TNFSF4: variants seen among roughly 807,000 people sequenced by gnomAD.
The protein encoded by TNFSF4 is tumor necrosis factor ligand superfamily member 4.
A neutral mutation model predicts 7.3 loss-of-function variants in TNFSF4; 4 were observed. The observed-to-expected ratio is 0.55, with a 90% confidence interval of 0.27 to 1.25. The LOEUF is 1.25. Among genes scored for constraint, TNFSF4 ranks in the 50% most tolerant of loss-of-function variants. The pLI is 0.12. For missense variants in TNFSF4, 181 were observed against 208.8 expected, an observed-to-expected ratio of 0.87 and a Z score of 0.82; for synonymous variants, 76 against 83.7, an observed-to-expected ratio of 0.91 and a Z score of 0.50.
the TNFSF4 span, among the ~76,000 whole-genome samples, chr1:173,448,039 T>C: frequency 3.3e-5 from 5 of 152,260 alleles, no homozygotes; most frequent in South Asian, 2.1e-4. Flanking sequence ...AACAGAGATA[T>C]TGCATAATGG....
chr1:173,323,886 T>C, the TNFSF4 span, among the ~76,000 whole-genome samples: 22 of 152,326 alleles, frequency 1.4e-4, 1 homozygote, highest in African/African-American at 5.0e-4. Context: ...CTACGTCTAA[T>C]TGGTGTACCT....
At chr1:173,432,285 A>G in the TNFSF4 span, among the ~76,000 whole-genome samples, 6 of 152,250 alleles carry the variant, frequency 3.9e-5, no homozygotes, top group Non-Finnish European at 8.8e-5. Context: ...CCAGAGTGTT[A>G]TGAAATGAAT....
chr1:173,210,304 A>T (rs759355483), upstream of TNFSF4, among the ~76,000 whole-genome samples: 11 of 152,184 alleles, frequency 7.2e-5, no homozygotes, highest in Non-Finnish European at 1.3e-4. Flanking sequence ...TCAGTGCAGA[A>T]GGGAAGGGTG....
chr1:173,394,935 T>C, the TNFSF4 span, among the ~76,000 whole-genome samples: 7,873 of 150,420 alleles, frequency 0.052, 697 homozygotes, highest in African/African-American at 0.18. Flanking sequence ...GATAGATAGA[T>C]AGATAGATAG....
chr1:173,446,649 A>G, the TNFSF4 span, among the ~76,000 whole-genome samples: 1 of 152,232 alleles, frequency 6.6e-6, no homozygotes, highest in Non-Finnish European at 1.5e-5. Context: ...CAGTACAGCT[A>G]TAAAGGCATG....
chr1:173,326,491 A>C, the TNFSF4 span, among the ~76,000 whole-genome samples: 3 of 152,070 alleles, frequency 2.0e-5, no homozygotes, highest in Admixed American at 2.0e-4. Context: ...ACTCCTATTC[A>C]ACATAGTGTT....
At chr1:173,250,680 C>T in the TNFSF4 span, among the ~76,000 whole-genome samples, 1 of 151,968 alleles carries the variant, frequency 6.6e-6, no homozygotes, top group African/African-American at 2.4e-5. Context: ...AGGATGGTCT[C>T]GATCTTCTGA....
chr1:173,417,197 C>T, the TNFSF4 span, among the ~76,000 whole-genome samples: 1 of 152,178 alleles, frequency 6.6e-6, no homozygotes, highest in African/African-American at 2.4e-5. Context: ...GTCAGAGACA[C>T]CTCGGTTTGG....
the TNFSF4 span, among the ~76,000 whole-genome samples, chr1:173,406,590 A>AT: frequency 0.015 from 2,306 of 152,290 alleles, 52 homozygotes; most frequent in African/African-American, 0.052. Flanking sequence ...TTCAGGCCGG[A>AT]TTCATTGCTA....
the TNFSF4 span, among the ~76,000 whole-genome samples, chr1:173,446,682 C>T: frequency 6.6e-6 from 1 of 152,204 alleles, no homozygotes; most frequent in Admixed American, 6.5e-5. Context: ...GAAAAGTAGA[C>T]TTGCTCGGTC....
At chr1:173,261,374 T>C in the TNFSF4 span, among the ~76,000 whole-genome samples, 7 of 152,028 alleles carry the variant, frequency 4.6e-5, no homozygotes, top group African/African-American at 1.7e-4. Context: ...ATCAAAAAGC[T>C]AGAAAGATCT....
the TNFSF4 span, among the ~76,000 whole-genome samples, chr1:173,233,520 A>G: frequency 1.3e-5 from 2 of 152,212 alleles, no homozygotes; most frequent in African/African-American, 4.8e-5. Context: ...TCCAAGACAC[A>G]TAATTGTCAG....
chr1:173,224,927 T>C, the TNFSF4 span, among the ~76,000 whole-genome samples: 2 of 152,198 alleles, frequency 1.3e-5, no homozygotes, highest in African/African-American at 4.8e-5. Flanking sequence ...TGCAATTAAT[T>C]GACTACACCA....
chr1:173,207,556 A>G (rs1238466272), upstream of TNFSF4, among the ~76,000 whole-genome samples: 1 of 152,116 alleles, frequency 6.6e-6, no homozygotes, highest in Non-Finnish European at 1.5e-5. Context: ...CCAGTAACAA[A>G]TTGTGGGTCA....
the TNFSF4 span, among the ~76,000 whole-genome samples, chr1:173,245,006 T>G: frequency 2.0e-5 from 3 of 152,048 alleles, no homozygotes; most frequent in Non-Finnish European, 1.5e-5. Context: ...TTTATCTATA[T>G]GATGACTAGT....
the TNFSF4 span, among the ~76,000 whole-genome samples, chr1:173,309,255 T>C: frequency 2.8e-4 from 43 of 152,002 alleles, no homozygotes; most frequent in Non-Finnish European, 5.2e-4. Context: ...TGTAAAATTT[T>C]GAACAGTAAC....
the TNFSF4 span, among the ~76,000 whole-genome samples, chr1:173,260,740 G>T: frequency 6.6e-6 from 1 of 152,138 alleles, no homozygotes; most frequent in Non-Finnish European, 1.5e-5. Context: ...AAAAGACAAA[G>T]AAGGGCATTA....
At chr1:173,244,541 C>T in the TNFSF4 span, among the ~76,000 whole-genome samples, 1 of 148,382 alleles carries the variant, frequency 6.7e-6, no homozygotes, top group Non-Finnish European at 1.5e-5. Context: ...ACTTGGGAGG[C>T]TGAGGCAGGA....
the TNFSF4 span, among the ~76,000 whole-genome samples, chr1:173,399,845 A>G: frequency 6.6e-6 from 1 of 152,188 alleles, no homozygotes; most frequent in Admixed American, 6.5e-5. Flanking sequence ...ATCAACATTG[A>G]CCTGGCTACA....
Sources: gnomAD v4.1 joint callset for allele counts (sites outside exome capture counted in the v4.1 genomes callset) on GRCh38, gnomAD v4.1.1 for gene constraint, MANE v1.5 for transcripts, NCBI Gene and HGNC (gene_info 2026-07-23, HGNC 2026-07-21) for gene names.